The following COL7A1 variants were observed in gnomAD, a reference collection of about 807,000 sequenced individuals.
The protein encoded by COL7A1 is collagen alpha-1(VII) chain.
In COL7A1, 296 loss-of-function variants were observed where a neutral mutation model predicts 456.2. The observed-to-expected ratio is 0.65, with a 90% CI of 0.59 to 0.71. The LOEUF is 0.71. Among genes scored for constraint, COL7A1 ranks in the 30% least tolerant of loss-of-function variants. The pLI is 0.00. For missense variants in COL7A1, 3,441 were observed against 4,017.2 expected (o/e 0.86, Z 3.88); for synonymous variants, 1,464 against 1,525.9 (o/e 0.96, Z 0.95).
chr3:48,567,967 C>G lies in COL7A1; in HGVS notation c.7876-76G>C. Reference sequence around the variant, plus strand: ...GACCCCCTTCACCCTGAAACTAACTCTCCAAACAGGCCTCAGCTACTCCAA... The same window carrying G: ...GACCCCCTTCACCCTGAAACTAACTGTCCAAACAGGCCTCAGCTACTCCAA... On this transcript the variant is annotated intron_variant, in intron 106 of 118. Transcript: ENST00000681320. This position sits in a 1 kb window ranked among gnomAD's most constrained non-coding sequence, Gnocchi z 4.3. 6.2e-7 allele frequency: 1 copy of G among 1,605,634 alleles called. No homozygotes were observed.
rs988796477 is a variant in COL7A1 at position 48,570,294 on chromosome 3, C to T, written c.7421G>A (p.Arg2474His). ...ACGTACCCGGATGCCTGGCTCCCCA[C>T]GCTCGCCTCGGGGCCCAGGCAGCCC... is the stretch of plus-strand genomic sequence containing the variant. The part of the protein sequence containing the change: ...GVGLPGPRGE[R>H]GEPGIRGEDG... The change falls in exon 98 of 119, where the codon CGT becomes CAT. Residue 2474 changes from arginine (R) to histidine (H), a missense_variant. By Grantham distance (29) the Arg-to-His change is conservative (BLOSUM62 0). Around this residue, in one of 3 missense-constraint regions of COL7A1, gnomAD observed 2,084 missense variants for 2,501.3 expected, o/e 0.83. Transcript: ENST00000681320. The surrounding 1 kb of genome is among the most constrained non-coding windows in gnomAD (Gnocchi z 5.5). 3.7e-6 allele frequency: 6 copies of T among 1,613,956 alleles called. No homozygotes were observed. Among genetic ancestry groups the T allele is most frequent in the East Asian group, 4.5e-5 (2 of 44,872 alleles).
In COL7A1 at chr3:48,582,668, G is replaced by A; in HGVS notation, c.4519-15C>T. 1 of 1,613,120 alleles carries A rather than the reference G, an allele frequency of 6.2e-7. No homozygotes were observed. Among genetic ancestry groups the A allele is most frequent in the African/African-American group, 1.3e-5 (1 of 75,042 alleles). ...CCTGGCAGCCCCTGGAGGAGAGGAA[G>A]GGAAGAGCTGTGCAGGTGGGTGGGG... On this transcript the variant is annotated splice_polypyrimidine_tract_variant and intron_variant, in intron 44 of 118. Transcript: ENST00000681320.
chr3:48,581,552 C>T lies in COL7A1; in HGVS notation c.4782+21G>A. The T allele has an allele frequency of 6.2e-7, 1 of 1,614,102 alleles. No homozygotes were observed. Among genetic ancestry groups the T allele is most frequent in the Non-Finnish European group, 8.5e-7 (1 of 1,180,004 alleles). On this transcript the variant is annotated intron_variant, in intron 50 of 118. Transcript: ENST00000681320. The surrounding 1 kb of genome is among the most constrained non-coding windows in gnomAD (Gnocchi z 5.8). ...CACCTCATCTCCCTCTGTCACACTC[C>T]CCATTCCCACATTGATTCACCCGGT...
chr3:48,578,401 CGGGTGA>C lies in COL7A1; in HGVS notation c.5488-42_5488-37del. 2 of 1,613,442 alleles carry C rather than the reference CGGGTGA, an allele frequency of 1.2e-6. No homozygotes were observed. Among genetic ancestry groups the C allele is most frequent in the Non-Finnish European group, 1.7e-6 (2 of 1,180,024 alleles). On this transcript the variant is annotated intron_variant, in intron 64 of 118. Transcript: ENST00000681320. This position sits in a 1 kb window ranked among gnomAD's most constrained non-coding sequence, Gnocchi z 4.7. The stretch of plus-strand genomic sequence containing the variant: ...AGATCACTGGTTGGATGTCGGGGAT[CGGGTGA>C]GGGTAGTAAGGGGGAAAAGGGGGTA...
rs746304377 is a variant in COL7A1, at chr3:48,564,446, G to T, written c.8819-24C>A. 1 of 1,613,846 alleles carries T rather than the reference G, an allele frequency of 6.2e-7. No individual in the cohort carries two copies. Among genetic ancestry groups the T allele is most frequent in the South Asian group, 1.1e-5 (1 of 91,030 alleles). On this transcript the variant is annotated intron_variant, in intron 118 of 118. Coordinates refer to ENST00000681320, the MANE Select transcript of COL7A1 (RefSeq NM_000094.4). The surrounding 1 kb of genome is among the most constrained non-coding windows in gnomAD (Gnocchi z 6.0). ...ACCTGGTGAGGACAGGTTGGAAACG[G>T]TCGTCAGCCATCTGACCTTCCCCGG...
chr3:48,581,344 T>C lies in COL7A1; in HGVS notation c.4819-4A>G. On this transcript the variant is annotated splice_region_variant and splice_polypyrimidine_tract_variant and intron_variant, in intron 51 of 118. Coordinates refer to ENST00000681320, the MANE Select transcript of COL7A1 (RefSeq NM_000094.4). This position sits in a 1 kb window ranked among gnomAD's most constrained non-coding sequence, Gnocchi z 5.8. Reference sequence around the variant, plus strand: ...CTCCAGGAGGCCCTGAGTCACCCTGTGGAGGAGGCAAGAGGGAGGTGATGC... The same window carrying C: ...CTCCAGGAGGCCCTGAGTCACCCTGCGGAGGAGGCAAGAGGGAGGTGATGC... 18 of 1,613,440 alleles carry C rather than the reference T, an allele frequency of 1.1e-5. No homozygotes were observed. The highest frequency in any genetic ancestry group is 2.2e-5 in the East Asian group (1 of 44,860).
Position 48,570,840 on chromosome 3 carries a change from A to G in COL7A1, c.7272+21T>C. 2 of 1,597,706 alleles carry G rather than the reference A, an allele frequency of 1.3e-6. No homozygotes were observed. The highest frequency in any genetic ancestry group is 2.3e-5 in the East Asian group (1 of 44,374). On this transcript the variant is annotated intron_variant, in intron 95 of 118. Transcript: ENST00000681320. This position sits in a 1 kb window ranked among gnomAD's most constrained non-coding sequence, Gnocchi z 5.5. ...CACCATGGATTCACCATGCCCCTACATGCTGTTCCCAGCCCCTCACCCGCT... is the reference window on the plus strand; with the variant it reads ...CACCATGGATTCACCATGCCCCTACGTGCTGTTCCCAGCCCCTCACCCGCT...
chr3:48,582,422 G>A, intron 46 of COL7A1, 56 bp downstream of exon 46: 1 of 1,614,102 alleles, frequency 6.2e-7, no homozygotes, highest in Non-Finnish European at 8.5e-7. Flanking sequence ...AAATCCCAGT[G>A]TCCCATCTGC....
intron 47 of COL7A1, 101 bp downstream of exon 47, chr3:48,582,222 C>T (rs573516581): frequency 2.8e-5 from 44 of 1,596,876 alleles, no homozygotes; most frequent in South Asian, 7.7e-5. Flanking sequence ...AGCCTGCTCA[C>T]GGGCCCAGCA....
Position 48,565,391 on chromosome 3 carries a change from C to T in COL7A1, c.8527+19G>A, listed in dbSNP as rs189731761. ...CTCGGCCCCACCCATAGCTGCCCCA[C>T]GGGTTCAGCTGTCCTCACCTTCCTC... On this transcript the variant is annotated intron_variant, in intron 116 of 118. Transcript: ENST00000681320. The surrounding 1 kb of genome is among the most constrained non-coding windows in gnomAD (Gnocchi z 4.5). The T allele has an allele frequency of 1.5e-4, 243 of 1,594,606 alleles. 1 individual carries two copies. The East Asian group carries it at 5.3e-3, about 35-fold the overall frequency.
In COL7A1 at chr3:48,565,793, G is replaced by GACA. The variant is rs397758015; in HGVS notation, c.8408-126_8408-125insTGT. 2.4e-5 allele frequency: 22 copies of GACA among 921,840 alleles called. No individual in the cohort carries two copies. In the African/African-American group the frequency reaches 3.3e-4, roughly 14 times the overall value. 57.1% of individuals were successfully genotyped at this position (921,840 alleles called of 1,614,324 possible). On this transcript the variant is annotated intron_variant, in intron 114 of 118. Coordinates refer to ENST00000681320, the MANE Select transcript of COL7A1 (RefSeq NM_000094.4). This position sits in a 1 kb window ranked among gnomAD's most constrained non-coding sequence, Gnocchi z 4.5. ...AAAGAGATAGCAGGAGAGGGTAACA[G>GACA]GAGAGAGAGGAAGAGAGAGGGTGGG...
rs1210653522 is a variant in COL7A1, at chr3:48,585,634, C to A, written c.3832-15G>T. On this transcript the variant is annotated splice_polypyrimidine_tract_variant and intron_variant, in intron 31 of 118. Transcript: ENST00000681320. The surrounding 1 kb of genome is among the most constrained non-coding windows in gnomAD (Gnocchi z 4.5). Reference sequence around the variant, plus strand: ...CCGGTCCTGCCCTGAAAGAAGATAGCAGTTAGGTGGGGATAAGCCAGTCAG... The same window carrying A: ...CCGGTCCTGCCCTGAAAGAAGATAGAAGTTAGGTGGGGATAAGCCAGTCAG... 9 of 1,614,006 alleles carry A rather than the reference C, an allele frequency of 5.6e-6. No individual in the cohort carries two copies. The highest frequency in any genetic ancestry group is 7.6e-6 in the Non-Finnish European group (9 of 1,180,018).
chr3:48,582,785 T>C lies in COL7A1; in HGVS notation c.4519-132A>G. The C allele has an allele frequency of 6.8e-6, 8 of 1,168,926 alleles. No individual in the cohort carries two copies. In the South Asian group the frequency reaches 1.0e-4, roughly 15 times the overall value. The allele number at this position is 1,168,926 out of a possible 1,614,324, so 72.4% of individuals were successfully genotyped here. ...GGATTTAGGTTGGCAGGGGTAAGAC[T>C]TGGCAGGAGAACAGAGACCAGGTCA... is the stretch of plus-strand genomic sequence containing the variant. On this transcript the variant is annotated intron_variant, in intron 44 of 118. Coordinates refer to ENST00000681320, the MANE Select transcript of COL7A1 (RefSeq NM_000094.4).
chr3:48,576,413 G>A lies in COL7A1; in HGVS notation c.5759C>T (p.Ser1920Phe). ...TGGGGGCCTCACCTGCTCCCCTTTG[G>A]ATCCAGTCTCCCCACGGTCACCCTG... ...GPKGDRGETG[S>F]KGEQGLPGER... The change falls in exon 70 of 119, where the codon TCC (serine) becomes TTC (phenylalanine). Residue 1920 changes from serine (S) to phenylalanine (F), a missense_variant. Physicochemically the swap from Ser to Phe is radical, Grantham distance 155. Transcript: ENST00000681320. 1 of 1,613,738 alleles carries A rather than the reference G, an allele frequency of 6.2e-7. No individual in the cohort carries two copies. Among genetic ancestry groups the A allele is most frequent in the African/African-American group, 1.3e-5 (1 of 75,040 alleles).
chr3:48,573,007 C>T lies in COL7A1; in HGVS notation c.6750+14G>A, dbSNP rs1400276847. 3 of 1,613,940 alleles carry T rather than the reference C, an allele frequency of 1.9e-6. No homozygotes were observed. Among genetic ancestry groups the T allele is most frequent in the African/African-American group, 1.3e-5 (1 of 74,888 alleles). ...TTGACCCCTGGAGCCCAACCCTTGA[C>T]CCCCAGAACTCACCACTTGTCCAGG... On this transcript the variant is annotated intron_variant, in intron 86 of 118. Coordinates refer to ENST00000681320, the MANE Select transcript of COL7A1 (RefSeq NM_000094.4). This position sits in a 1 kb window ranked among gnomAD's most constrained non-coding sequence, Gnocchi z 5.5.
chr3:48,584,772 G>A lies in COL7A1; in HGVS notation c.4012-3C>T. On this transcript the variant is annotated splice_region_variant and splice_polypyrimidine_tract_variant and intron_variant, in intron 34 of 118. Coordinates refer to ENST00000681320, the MANE Select transcript of COL7A1 (RefSeq NM_000094.4). ...GGGCCTCGAGGTCCTCGCTCTCCCT[G>A]AGGACGAAACAGAGCAGAGGGTGGT... is the stretch of plus-strand genomic sequence containing the variant. 8 of 1,614,018 alleles carry A rather than the reference G, an allele frequency of 5.0e-6. No homozygotes were observed. The highest frequency in any genetic ancestry group is 6.8e-6 in the Non-Finnish European group (8 of 1,180,026).
Position 48,590,074 on chromosome 3 carries a change from C to A in COL7A1, c.2050+139G>T. On this transcript the variant is annotated intron_variant, in intron 16 of 118. Transcript: ENST00000681320. This position sits in a 1 kb window ranked among gnomAD's most constrained non-coding sequence, Gnocchi z 4.6. ...ACAGCTGAAACTGAAGAGGAAGCAG[C>A]GTCTCTGAGGGAGGAGGGAGTGGGA... is the stretch of plus-strand genomic sequence containing the variant. 3.3e-6 allele frequency: 3 copies of A among 917,384 alleles called. No homozygotes were observed. Among genetic ancestry groups the A allele is most frequent in the Non-Finnish European group, 4.9e-6 (3 of 610,094 alleles). The allele number at this position is 917,384 out of a possible 1,614,324, so 56.8% of individuals were successfully genotyped here. A position where few individuals can be genotyped will look rare whatever the true frequency, so the allele number is the denominator to read the frequency against.
rs1221069062 is a variant in COL7A1, at chr3:48,594,959, G to A, written c.85+116C>T. Reference sequence around the variant, plus strand: ...AGTCCCAGAATTAGGAGGAATCCGCGGGGCGTCGTGGAGTTGGCTGGGTTG... The same window carrying A: ...AGTCCCAGAATTAGGAGGAATCCGCAGGGCGTCGTGGAGTTGGCTGGGTTG... On this transcript the variant is annotated intron_variant, in intron 2 of 118. Coordinates refer to ENST00000681320, the MANE Select transcript of COL7A1 (RefSeq NM_000094.4). The surrounding 1 kb of genome is among the most constrained non-coding windows in gnomAD (Gnocchi z 5.5). 2.3e-6 allele frequency: 2 copies of A among 853,542 alleles called. No homozygotes were observed. The highest frequency in any genetic ancestry group is 3.7e-6 in the Non-Finnish European group (2 of 539,712). 52.9% of individuals were successfully genotyped at this position (853,542 alleles called of 1,614,324 possible).
Position 48,579,717 on chromosome 3 carries a change from G to T in COL7A1, c.5155-49C>A. The T allele has an allele frequency of 6.2e-7, 1 of 1,613,840 alleles. No individual in the cohort carries two copies. Among genetic ancestry groups the T allele is most frequent in the Non-Finnish European group, 8.5e-7 (1 of 1,179,948 alleles). ...AGGAACAGCCTTGAAGCCAAGCCAT[G>T]CCCAAGGTAGAACCTGCTGGGAGGG... On this transcript the variant is annotated intron_variant, in intron 58 of 118. Transcript: ENST00000681320. This position sits in a 1 kb window ranked among gnomAD's most constrained non-coding sequence, Gnocchi z 4.4.
Sources: allele counts gnomAD v4.1 joint callset, GRCh38; gene constraint gnomAD v4.1.1; regional missense constraint gnomAD v4.1.1; non-coding constraint Gnocchi (gnomAD v3.1); transcripts MANE v1.5; gene names NCBI Gene and HGNC (gene_info 2026-07-23, HGNC 2026-07-21).